USH2A: variants seen among roughly 807,000 people sequenced by gnomAD.
The protein encoded by USH2A is Usher syndrome 2A (autosomal recessive, mild).
USH2A carries 443 observed loss-of-function variants against 538.9 expected under a neutral mutation model. The ratio of observed to expected loss-of-function variants is 0.82; its 90% CI spans 0.76 to 0.89. The LOEUF (loss-of-function observed/expected upper bound fraction) is 0.89. Among genes scored for constraint, USH2A ranks in the 40% least tolerant of loss-of-function variants. The pLI is 0.00. For synonymous variants in USH2A, 2,413 were observed against 2,273.5 expected (o/e 1.06, Z -1.75); for missense variants, 6,633 against 6,324.8 (o/e 1.05, Z -1.65).
chr1:216,251,442 CTT>C (rs779947689), intron 11 of USH2A, among the ~76,000 whole-genome samples: 10 of 80,384 alleles, frequency 1.2e-4, no homozygotes, highest in African/African-American at 4.0e-4. Flanking sequence ...ACCACTTCCC[CTT>C]TTTTTTTTTT....
intron 35 of USH2A, among the ~76,000 whole-genome samples, chr1:215,989,466 T>C (rs1426985945): frequency 3.9e-5 from 6 of 152,158 alleles, no homozygotes; most frequent in Non-Finnish European, 8.8e-5. Flanking sequence ...AGGACTCTGA[T>C]ATCCTTGAGA....
Position 216,340,417 on chromosome 1 carries a change from G to A in USH2A, c.785-12763C>T, listed in dbSNP as rs1418439876. On this transcript the variant is annotated intron_variant, in intron 4 of 71. Coordinates refer to ENST00000307340, the MANE Select transcript of USH2A (RefSeq NM_206933.4). ...AGCTGAATTCTACCAGAGGTACAAAGAGGAGCTGGTACCATTCCTTTTGAA... is the reference window on the plus strand; with the variant it reads ...AGCTGAATTCTACCAGAGGTACAAAAAGGAGCTGGTACCATTCCTTTTGAA... 2.6e-5 allele frequency among the ~76,000 whole-genome samples: 4 copies of A among 151,966 alleles called. No individual in the cohort carries two copies. The East Asian group carries it at 7.8e-4, about 30-fold the overall frequency.
intron 2 of USH2A, 103 bp downstream of exon 2, chr1:216,421,749 T>C (rs2039679870): frequency 6.4e-7 from 1 of 1,564,502 alleles, no homozygotes; most frequent in Non-Finnish European, 8.8e-7. Context: ...ATACCATGAA[T>C]TCTATATAGC....
chr1:215,973,656 C>CT (rs750306238), intron 35 of USH2A, among the ~76,000 whole-genome samples: 7,674 of 130,938 alleles, frequency 0.059, 323 homozygotes, highest in African/African-American at 0.1. Flanking sequence ...TCTTCTTCTT[C>CT]TTTTTTTTTT....
intron 13 of USH2A, among the ~76,000 whole-genome samples, chr1:216,239,893 A>T (rs1157790312): frequency 1.3e-5 from 2 of 151,970 alleles, no homozygotes; most frequent in African/African-American, 4.8e-5. Context: ...GGGCTCAAGG[A>T]TGTCTGCAAA....
intron 21 of USH2A, among the ~76,000 whole-genome samples, chr1:216,148,428 A>AC (rs1361311273): frequency 6.6e-6 from 1 of 151,132 alleles, no homozygotes; most frequent in African/African-American, 2.4e-5. Flanking sequence ...CTATCCCCCC[A>AC]CCTTAACTCA....
intron 37 of USH2A, among the ~76,000 whole-genome samples, chr1:215,963,631 G>A (rs1286252682): frequency 2.0e-5 from 3 of 151,982 alleles, no homozygotes; most frequent in African/African-American, 4.8e-5. Context: ...GCTGGTTTTC[G>A]TTGCTGAAGA....
chr1:216,294,167 C>T (rs1366805607), intron 9 of USH2A, among the ~76,000 whole-genome samples: 1 of 151,966 alleles, frequency 6.6e-6, no homozygotes, highest in Non-Finnish European at 1.5e-5. Context: ...ATGGACAAAG[C>T]AAAATTTTTT....
intron 22 of USH2A, among the ~76,000 whole-genome samples, chr1:216,094,613 T>G (rs1234601857): frequency 1.3e-5 from 2 of 152,212 alleles, no homozygotes; most frequent in African/African-American, 2.4e-5. Flanking sequence ...TGCTTCTTCT[T>G]TTTATATTTC....
rs1553250192 is a variant in USH2A, at chr1:215,648,706, AGT to A, written c.14402_14403del (p.Tyr4801PhefsTer20). 1.9e-6 allele frequency: 3 copies of A among 1,614,154 alleles called. No individual in the cohort carries two copies. The highest frequency in any genetic ancestry group is 1.7e-6 in the Non-Finnish European group (2 of 1,180,020). On this transcript the variant is annotated frameshift_variant, in exon 66 of 72. Transcript: ENST00000307340. LOFTEE classifies it high-confidence loss of function. Reference sequence around the variant, plus strand: ...CAGGTGCAGGCCTCTACTCCAATAGAGTAGTTAGTGAAGGCTTGAAGGCCATG... The same window carrying A: ...CAGGTGCAGGCCTCTACTCCAATAGAAGTTAGTGAAGGCTTGAAGGCCATG... Reference protein sequence around the residue: ...TLHGLQAFTNYSIGVEACTCF... With the variant: ...TLHGLQAFTNXSIGVEACTCF...
At position 215,712,487 on chromosome 1, in the gene USH2A, C is replaced by T. The variant is rs144395270; in HGVS notation, c.12066+15543G>A. ...CAGTGTCACCAATTCAATGATGAAG[C>T]TTGGGCTGTGATTCATTGTCCAGGA... On this transcript the variant is annotated intron_variant, in intron 61 of 71. Coordinates refer to ENST00000307340, the MANE Select transcript of USH2A (RefSeq NM_206933.4). Among the ~76,000 whole-genome samples the T allele has an allele frequency of 2.1e-3, 313 of 152,312 alleles. 1 individual carries two copies. The highest frequency in any genetic ancestry group is 7.2e-3 in the African/African-American group (298 of 41,572).
intron 67 of USH2A, among the ~76,000 whole-genome samples, chr1:215,646,483 T>C (rs779199053): frequency 6.6e-6 from 1 of 152,116 alleles, no homozygotes; most frequent in Non-Finnish European, 1.5e-5. Context: ...GAAATGATGG[T>C]GGTTCCATAA....
chr1:216,190,473 A>T, intron 19 of USH2A, 106 bp from the exon 20 acceptor site: 2 of 1,384,916 alleles, frequency 1.4e-6, no homozygotes, highest in Non-Finnish European at 2.0e-6. Flanking sequence ...AGAGGGAATT[A>T]TTGCCAACCA....
intron 32 of USH2A, 65 bp from the exon 33 acceptor site, chr1:216,000,627 C>T: frequency 1.9e-6 from 3 of 1,581,192 alleles, no homozygotes; most frequent in South Asian, 2.2e-5. Flanking sequence ...GATTTCACTC[C>T]TCCACTATAG....
chr1:215,931,330 G>A (rs1442376093), intron 38 of USH2A, among the ~76,000 whole-genome samples: 2 of 151,970 alleles, frequency 1.3e-5, no homozygotes, highest in African/African-American at 2.4e-5. Flanking sequence ...AAGAGATGAT[G>A]TATCCTGGTA....
chr1:215,968,758 A>G (rs1328893260), intron 36 of USH2A, among the ~76,000 whole-genome samples: 1 of 152,198 alleles, frequency 6.6e-6, no homozygotes, highest in Non-Finnish European at 1.5e-5. Flanking sequence ...AAAAATAGAA[A>G]TGATAAATTT....
intron 50 of USH2A, among the ~76,000 whole-genome samples, chr1:215,794,362 C>A (rs1434638339): frequency 1.3e-5 from 2 of 152,162 alleles, no homozygotes; most frequent in South Asian, 4.1e-4. Flanking sequence ...CGAGCCAGCC[C>A]GGTCTCGTGG....
chr1:215,634,789 G>T, intron 69 of USH2A, 86 bp from the exon 70 acceptor site: 1 of 1,606,608 alleles, frequency 6.2e-7, no homozygotes, highest in African/African-American at 1.3e-5. Flanking sequence ...TAGTAAATTA[G>T]AGAGGAGTTG....
intron 38 of USH2A, among the ~76,000 whole-genome samples, chr1:215,932,997 A>T (rs1262449903): frequency 6.6e-6 from 1 of 152,034 alleles, no homozygotes; most frequent in East Asian, 1.9e-4. Flanking sequence ...TAGACCATAC[A>T]TTCCTAAAAA....
Sources: allele counts gnomAD v4.1 joint callset (sites outside exome capture counted in the v4.1 genomes callset), GRCh38; gene constraint gnomAD v4.1.1; transcripts MANE v1.5; gene names NCBI Gene and HGNC (gene_info 2026-07-23, HGNC 2026-07-21).